NME8: variants seen among roughly 807,000 people sequenced by gnomAD.
NME8 encodes protein NME8.
Under a neutral mutation model 82.3 loss-of-function variants are expected in NME8, and 72 were observed. The ratio of observed to expected loss-of-function variants is 0.87; its 90% CI spans 0.72 to 1.06. The LOEUF (loss-of-function observed/expected upper bound fraction) is 1.06, where lower values mean the gene tolerates loss of function less well. NME8 is among the 50% of genes least tolerant of loss of function. The pLI is 0.00. For synonymous variants in NME8, 267 were observed against 228.5 expected (o/e 1.17, Z -1.52); for missense variants, 712 against 685.4 (o/e 1.04, Z -0.43).
chr7:37,851,768 A>T (rs1395342428), intron 5 of NME8, among the ~76,000 whole-genome samples: 3 of 152,164 alleles, frequency 2.0e-5, no homozygotes, highest in African/African-American at 7.2e-5. Flanking sequence ...GACTTAAGAT[A>T]CAGGAGCAGA....
chr7:37,853,629 C>A (rs1784468018), intron 5 of NME8, among the ~76,000 whole-genome samples: 1 of 152,068 alleles, frequency 6.6e-6, no homozygotes, highest in East Asian at 1.9e-4. Flanking sequence ...ATTCTGGTGA[C>A]CTGCCCATAA....
intron 10 of NME8, 31 bp downstream of exon 10, chr7:37,865,648 T>C: frequency 7.0e-7 from 1 of 1,431,164 alleles, no homozygotes; most frequent in East Asian, 2.3e-5. Context: ...AAATCCTCTA[T>C]GTGTTTAAAT....
Position 37,863,469 on chromosome 7 carries a change from A to C in NME8, c.454+7A>C. Reference sequence around the variant, plus strand: ...TCACCATGTGAAAGTGTTCGTAAGTAAATTTACTTCAAAGTAATCCAAGGG... The same window carrying C: ...TCACCATGTGAAAGTGTTCGTAAGTCAATTTACTTCAAAGTAATCCAAGGG... On this transcript the variant is annotated splice_region_variant and intron_variant, in intron 8 of 17. Transcript: ENST00000199447. The C allele has an allele frequency of 6.4e-7, 1 of 1,558,878 alleles. No homozygotes were observed. Among genetic ancestry groups the C allele is most frequent in the Non-Finnish European group, 8.9e-7 (1 of 1,129,800 alleles).
chr7:37,880,086 TG>T (rs928400631), intron 12 of NME8, among the ~76,000 whole-genome samples: 101 of 99,362 alleles, frequency 1.0e-3, no homozygotes, highest in African/African-American at 2.4e-3. Flanking sequence ...AGGTTTTTTT[TG>T]TTTGTTTATT....
chr7:37,874,901 G>A (rs1468852717), intron 11 of NME8, among the ~76,000 whole-genome samples: 1 of 152,124 alleles, frequency 6.6e-6, no homozygotes, highest in African/African-American at 2.4e-5. Context: ...TAGCTTTTCA[G>A]TAGATAAAAT....
chr7:37,869,015 T>C (rs1784731734), intron 11 of NME8, among the ~76,000 whole-genome samples: 1 of 152,008 alleles, frequency 6.6e-6, no homozygotes, highest in Non-Finnish European at 1.5e-5. Context: ...ATACTTAGAG[T>C]ATCTGAGCCT....
chr7:37,880,018 T>G (rs1308216530), intron 12 of NME8, among the ~76,000 whole-genome samples: 1 of 152,208 alleles, frequency 6.6e-6, no homozygotes. Flanking sequence ...TGTTGTCTCT[T>G]TATACTTTTT....
intron 13 of NME8, among the ~76,000 whole-genome samples, chr7:37,884,774 T>C (rs1785015707): frequency 6.6e-6 from 1 of 152,242 alleles, no homozygotes; most frequent in African/African-American, 2.4e-5. Context: ...TGTAATCTTA[T>C]AGTTAACTAG....
At chr7:37,862,763 T>A (rs531519573) in intron 7 of NME8, among the ~76,000 whole-genome samples, 4 of 152,326 alleles carry the variant, frequency 2.6e-5, no homozygotes, top group East Asian at 3.9e-4. Flanking sequence ...TATCATGTGT[T>A]TGCAGTTTTC....
At chr7:37,894,441 A>G (rs774237206) in intron 15 of NME8, 25 bp from the exon 16 acceptor site, 15 of 1,608,386 alleles carry the variant, frequency 9.3e-6, no homozygotes, top group Admixed American at 1.7e-5. Context: ...AATCTGCAAT[A>G]TTATCAAATA....
intron 5 of NME8, among the ~76,000 whole-genome samples, chr7:37,852,853 C>G (rs1195913751): frequency 6.6e-6 from 1 of 152,052 alleles, no homozygotes; most frequent in African/African-American, 2.4e-5. Context: ...GGGTAAATAC[C>G]AAGGAGTAAG....
rs145160113 is a variant in NME8, at chr7:37,855,443, T to C, written c.199-1831T>C. 1.9e-3 allele frequency among the ~76,000 whole-genome samples: 295 copies of C among 152,262 alleles called. 1 individual carries two copies. The highest frequency in any genetic ancestry group is 6.3e-3 in the Admixed American group (97 of 15,282). On this transcript the variant is annotated intron_variant, in intron 5 of 17. Transcript: ENST00000199447. ...CATAAAATGGTTGAGTTAGCCTATC[T>C]CTTCTTCCTTAAGTCTTGGTGCTCA...
At chr7:37,885,054 C>G (rs1583641960) in intron 13 of NME8, 91 bp from the exon 14 acceptor site, 1 of 780,192 alleles carries the variant, frequency 1.3e-6, no homozygotes. Flanking sequence ...TGTTTTTGAT[C>G]TATTTAACAA....
At chr7:37,898,215 TG>T (rs1374613253) in intron 17 of NME8, among the ~76,000 whole-genome samples, 1 of 152,184 alleles carries the variant, frequency 6.6e-6, no homozygotes, top group African/African-American at 2.4e-5. Flanking sequence ...CAGTGTACAG[TG>T]TACAATGATT....
chr7:37,877,010 AG>A lies in NME8; in HGVS notation c.994+6del, dbSNP rs1400370604. On this transcript the variant is annotated splice_donor_region_variant and intron_variant, in intron 12 of 17. Coordinates refer to ENST00000199447, the MANE Select transcript of NME8 (RefSeq NM_016616.5). Reference sequence around the variant, plus strand: ...AAATCTCTTTCATGAAAGGAAAGGTAGGGAATCAAGCATAAATTGTTTAAGT... The same window carrying A: ...AAATCTCTTTCATGAAAGGAAAGGTAGGAATCAAGCATAAATTGTTTAAGT... The A allele has an allele frequency of 6.2e-7, 1 of 1,608,670 alleles. No individual in the cohort carries two copies. The highest frequency in any genetic ancestry group is 2.2e-5 in the East Asian group (1 of 44,670).
At chr7:37,898,460 A>G (rs1488923237) in intron 17 of NME8, among the ~76,000 whole-genome samples, 1 of 152,236 alleles carries the variant, frequency 6.6e-6, no homozygotes, top group East Asian at 1.9e-4. Flanking sequence ...GCCAAAAGGA[A>G]GAAACTACCC....
chr7:37,854,597 A>C (rs1381966592), intron 5 of NME8, among the ~76,000 whole-genome samples: 1 of 152,198 alleles, frequency 6.6e-6, no homozygotes, highest in Non-Finnish European at 1.5e-5. Flanking sequence ...AAATGAAGTC[A>C]AAAGCAGTCT....
intron 12 of NME8, among the ~76,000 whole-genome samples, chr7:37,879,943 T>A (rs56262976): frequency 0.14 from 21,399 of 152,156 alleles, 1,798 homozygotes; most frequent in South Asian, 0.23. Context: ...AATTCCCTAA[T>A]GACATATTAT....
At chr7:37,882,600 AG>A (rs752579042) in intron 12 of NME8, among the ~76,000 whole-genome samples, 32,626 of 78,974 alleles carry the variant, frequency 0.41, 4,265 homozygotes, top group East Asian at 0.52. Flanking sequence ...AGAAAGAAAG[AG>A]AGAGAGAGAG....
Sources: allele counts gnomAD v4.1 joint callset (sites outside exome capture counted in the v4.1 genomes callset), GRCh38; gene constraint gnomAD v4.1.1; transcripts MANE v1.5; gene names NCBI Gene and HGNC (gene_info 2026-07-23, HGNC 2026-07-21).